The following SPAG16 variants were observed in gnomAD, a reference collection of about 807,000 sequenced individuals.
The protein encoded by SPAG16 is sperm associated antigen 16.
In SPAG16, 86 loss-of-function variants were observed where a neutral mutation model predicts 80.4. The ratio of observed to expected loss-of-function variants is 1.07; its 90% CI spans 0.90 to 1.28. SPAG16 has a LOEUF of 1.28. SPAG16 is among the 50% of genes most tolerant of loss of function. SPAG16 has a pLI of 0.00. For synonymous variants in SPAG16, 294 were observed against 265.9 expected (o/e 1.11, Z -1.03); for missense variants, 870 against 765.3 (o/e 1.14, Z -1.61).
chr2:213,309,769 T>A (rs2063106473), intron 3 of SPAG16, among the ~76,000 whole-genome samples: 1 of 152,106 alleles, frequency 6.6e-6, no homozygotes, highest in African/African-American at 2.4e-5. Context: ...GTCCTCTACT[T>A]TCTCCCCACC....
rs545574651 is a variant in SPAG16, at chr2:213,496,907, A to G, written c.1070+6817A>G. ...AAGCTTAAATTATGTTGTAATTTTT[A>G]TGTTTACATCCCATCAAAACAAACA... On this transcript the variant is annotated intron_variant, in intron 10 of 15. Transcript: ENST00000331683. Among the ~76,000 whole-genome samples the G allele has an allele frequency of 7.9e-5, 12 of 151,604 alleles. No homozygotes were observed. In the South Asian group the frequency reaches 2.5e-3, roughly 32 times the overall value.
chr2:214,287,404 T>C (rs1693444830), intron 15 of SPAG16, among the ~76,000 whole-genome samples: 1 of 152,244 alleles, frequency 6.6e-6, no homozygotes, highest in African/African-American at 2.4e-5. Context: ...GTATTTGATA[T>C]ATTGACATTT....
At chr2:214,293,213 G>A (rs1693920133) in intron 15 of SPAG16, among the ~76,000 whole-genome samples, 1 of 152,168 alleles carries the variant, frequency 6.6e-6, no homozygotes, top group Non-Finnish European at 1.5e-5. Flanking sequence ...TCTGGGCAGT[G>A]GTGTGGTGTG....
intron 13 of SPAG16, among the ~76,000 whole-genome samples, chr2:214,021,723 A>G (rs567649438): frequency 3.3e-5 from 5 of 152,248 alleles, no homozygotes; most frequent in Non-Finnish European, 7.4e-5. Flanking sequence ...CACTGCATTG[A>G]TTTTATATAC....
At chr2:213,903,740 T>C (rs2077318554) in intron 11 of SPAG16, among the ~76,000 whole-genome samples, 1 of 152,182 alleles carries the variant, frequency 6.6e-6, no homozygotes, top group South Asian at 2.1e-4. Context: ...TTCTTTTCTA[T>C]CACATTGTCA....
intron 14 of SPAG16, among the ~76,000 whole-genome samples, chr2:214,119,509 C>G (rs1403816130): frequency 6.6e-6 from 1 of 151,978 alleles, no homozygotes; most frequent in Non-Finnish European, 1.5e-5. Context: ...GAGCAGGGAG[C>G]CTCACCTGAC....
At chr2:214,235,974 T>G (rs538204470) in intron 15 of SPAG16, among the ~76,000 whole-genome samples, 1 of 152,140 alleles carries the variant, frequency 6.6e-6, no homozygotes, top group African/African-American at 2.4e-5. Context: ...TAGAGTACAG[T>G]GTGGTGGGCA....
chr2:213,528,488 A>G (rs2075963241), intron 10 of SPAG16, among the ~76,000 whole-genome samples: 1 of 152,124 alleles, frequency 6.6e-6, no homozygotes, highest in African/African-American at 2.4e-5. Flanking sequence ...TCTTTCATAC[A>G]TTCTAATCTT....
intron 15 of SPAG16, among the ~76,000 whole-genome samples, chr2:214,251,273 G>C (rs533941753): frequency 1.8e-5 from 2 of 109,280 alleles, no homozygotes; most frequent in East Asian, 6.9e-4. Context: ...ACTTGTTGCA[G>C]AAAGAAAAAA....
intron 15 of SPAG16, among the ~76,000 whole-genome samples, chr2:214,193,427 G>GTGTGTGTGTGT (rs1491127730): frequency 0.055 from 4,062 of 73,554 alleles, 30 homozygotes; most frequent in Non-Finnish European, 0.076. Flanking sequence ...GTGTGTGTAT[G>GTGTGTGTGTGT]AGAGAGAGAG....
intron 10 of SPAG16, among the ~76,000 whole-genome samples, chr2:213,641,543 C>A (rs1033734151): frequency 6.6e-6 from 1 of 152,316 alleles, no homozygotes; most frequent in Non-Finnish European, 1.5e-5. Context: ...CCACTGGCTG[C>A]GTTCCCCAAA....
chr2:213,835,479 C>T (rs2074022908), intron 10 of SPAG16, among the ~76,000 whole-genome samples: 1 of 152,150 alleles, frequency 6.6e-6, no homozygotes, highest in South Asian at 2.1e-4. Flanking sequence ...TCTAATAACA[C>T]TTATTGTGAA....
chr2:213,411,777 G>A (rs1446116672), intron 9 of SPAG16, among the ~76,000 whole-genome samples: 2 of 151,986 alleles, frequency 1.3e-5, no homozygotes, highest in African/African-American at 2.4e-5. Context: ...CCATACATCC[G>A]TAAGTAGATG....
chr2:213,959,254 G>A (rs1396651947), intron 12 of SPAG16, among the ~76,000 whole-genome samples: 4 of 152,062 alleles, frequency 2.6e-5, no homozygotes, highest in Non-Finnish European at 5.9e-5. Context: ...CATCTTACTT[G>A]AAGGTCTTTG....
At chr2:213,292,694 AC>A (rs1426000506) in intron 1 of SPAG16, among the ~76,000 whole-genome samples, 12 of 145,900 alleles carry the variant, frequency 8.2e-5, no homozygotes, top group African/African-American at 2.5e-4. Flanking sequence ...ACAAAAAAAA[AC>A]AAAACTATCA....
intron 10 of SPAG16, among the ~76,000 whole-genome samples, chr2:213,845,650 T>A (rs2074585455): frequency 6.6e-6 from 1 of 152,222 alleles, no homozygotes; most frequent in African/African-American, 2.4e-5. Flanking sequence ...ATCAGTTACC[T>A]TTCATCACCT....
chr2:214,074,407 CTAGA>C (rs1379763676), intron 13 of SPAG16, among the ~76,000 whole-genome samples: 1 of 151,974 alleles, frequency 6.6e-6, no homozygotes, highest in Non-Finnish European at 1.5e-5. Context: ...GGAATTAATC[CTAGA>C]TAAACTATAT....
chr2:213,670,161 AT>A (rs540046420), intron 10 of SPAG16, among the ~76,000 whole-genome samples: 1 of 151,380 alleles, frequency 6.6e-6, no homozygotes, highest in Non-Finnish European at 1.5e-5. Context: ...TGCCCAGCTA[AT>A]TTTTTTTGTA....
chr2:214,376,220 T>A (rs1325871272), intron 15 of SPAG16, among the ~76,000 whole-genome samples: 1 of 152,164 alleles, frequency 6.6e-6, no homozygotes, highest in Non-Finnish European at 1.5e-5. Context: ...TAAGGTGAAT[T>A]AAATGTATTT....
Sources: allele counts gnomAD v4.1 joint callset (sites outside exome capture counted in the v4.1 genomes callset), GRCh38; gene constraint gnomAD v4.1.1; transcripts MANE v1.5; gene names NCBI Gene and HGNC (gene_info 2026-07-23, HGNC 2026-07-21).